CRB1: variants seen among roughly 807,000 people sequenced by gnomAD.
CRB1 encodes the protein protein crumbs homolog 1.
A neutral mutation model predicts 120.0 loss-of-function variants in CRB1; 83 were observed. The observed-to-expected ratio is 0.69, with a 90% CI of 0.58 to 0.83. CRB1 has a LOEUF of 0.83. CRB1 is among the 40% of genes least tolerant of loss of function. The probability of loss-of-function intolerance (pLI) is 0.00; values close to 1 mark genes in which losing one functional copy is unlikely to be tolerated. For missense variants in CRB1, 1,699 were observed against 1,687.6 expected (o/e 1.01, Z -0.12); for synonymous variants, 625 against 612.5 (o/e 1.02, Z -0.30).
intron 2 of CRB1, among the ~76,000 whole-genome samples, chr1:197,336,570 A>T (rs1659167772): frequency 1.3e-5 from 2 of 152,194 alleles, no homozygotes; most frequent in African/African-American, 4.8e-5. Context: ...GAGTCATTTG[A>T]AGTAGTTTTT....
intron 11 of CRB1, among the ~76,000 whole-genome samples, chr1:197,452,820 C>CA (rs199726847): frequency 0.014 from 2,185 of 152,028 alleles, 64 homozygotes; most frequent in African/African-American, 0.051. Flanking sequence ...GAAGTTTCCC[C>CA]AAAAAATTAA....
chr1:197,228,720 C>T, the CRB1 span, among the ~76,000 whole-genome samples: 1 of 152,146 alleles, frequency 6.6e-6, no homozygotes, highest in Non-Finnish European at 1.5e-5. Context: ...CAACGCCCTG[C>T]TCTACTGGTA....
chr1:197,348,441 T>C (rs1414596985), intron 4 of CRB1, among the ~76,000 whole-genome samples: 1 of 152,214 alleles, frequency 6.6e-6, no homozygotes, highest in Non-Finnish European at 1.5e-5. Flanking sequence ...AAATTCAAAA[T>C]AGAATAAGAT....
chr1:197,336,779 A>C (rs1231668811), intron 2 of CRB1, among the ~76,000 whole-genome samples: 1 of 152,228 alleles, frequency 6.6e-6, no homozygotes, highest in African/African-American at 2.4e-5. Flanking sequence ...TGTAAACAAC[A>C]ATTACCATCT....
intron 5 of CRB1, among the ~76,000 whole-genome samples, chr1:197,395,519 A>T (rs183478771): frequency 3.2e-4 from 48 of 152,228 alleles, no homozygotes; most frequent in Admixed American, 9.8e-4. Flanking sequence ...ACATGAGATA[A>T]ATACTGTATA....
At chr1:197,324,839 G>C (rs1442112582) in intron 1 of CRB1, among the ~76,000 whole-genome samples, 1 of 152,112 alleles carries the variant, frequency 6.6e-6, no homozygotes, top group Non-Finnish European at 1.5e-5. Context: ...TTAAATCTCT[G>C]TCTACCATAA....
At position 197,478,453 on chromosome 1, in the gene CRB1, G is replaced by A. The variant is rs1667296080; in HGVS notation, c.*574G>A. On this transcript the variant is annotated 3_prime_UTR_variant, in exon 12 of 12. Coordinates refer to ENST00000367400, the MANE Select transcript of CRB1 (RefSeq NM_201253.3). ...AATGGCAACAAATAAAAATTGAAATGCAGTTGTTCTCCTTTCTGAGTACTT... is the reference window on the plus strand; with the variant it reads ...AATGGCAACAAATAAAAATTGAAATACAGTTGTTCTCCTTTCTGAGTACTT... 1 of 157,628 alleles carries A rather than the reference G, an allele frequency of 6.3e-6. No homozygotes were observed. Among genetic ancestry groups the A allele is most frequent in the Admixed American group, 6.1e-5 (1 of 16,462 alleles). 9.8% of individuals were successfully genotyped at this position (157,628 alleles called of 1,614,324 possible).
intron 8 of CRB1, among the ~76,000 whole-genome samples, chr1:197,433,088 G>T (rs962894082): frequency 2.0e-5 from 3 of 151,214 alleles, no homozygotes; most frequent in Non-Finnish European, 4.4e-5. Flanking sequence ...GAGAGACGGG[G>T]TCTTATTATG....
rs1664764472 is a variant in CRB1 at position 197,429,447 on chromosome 1, A to T, written c.2677-2A>T. On this transcript the variant is annotated splice_acceptor_variant, in intron 7 of 11. Coordinates refer to ENST00000367400, the MANE Select transcript of CRB1 (RefSeq NM_201253.3). LOFTEE classifies it high-confidence loss of function. ...TATACCTTTGATTTCTTTTCTGCTC[A>T]GTCCAACCCCTGTCACAATGGAGGT... 1 of 1,613,832 alleles carries T rather than the reference A, an allele frequency of 6.2e-7. No homozygotes were observed. Among genetic ancestry groups the T allele is most frequent in the Non-Finnish European group, 8.5e-7 (1 of 1,179,928 alleles).
At chr1:197,390,445 C>T (rs1662440771) in intron 5 of CRB1, among the ~76,000 whole-genome samples, 1 of 152,002 alleles carries the variant, frequency 6.6e-6, no homozygotes, top group South Asian at 2.1e-4. Context: ...GCCAAGAAAG[C>T]TGAACAATAG....
rs781656059 is a variant in CRB1 at position 197,356,994 on chromosome 1, C to G, written c.1152C>G (p.Ile384Met). 9.9e-6 allele frequency: 16 copies of G among 1,614,112 alleles called. No individual in the cohort carries two copies. The highest frequency in any genetic ancestry group is 1.3e-5 in the Non-Finnish European group (15 of 1,180,046). Residue 384 changes from isoleucine (I) to methionine (M), a missense_variant, in exon 5 of 12, where the codon ATC (isoleucine) becomes ATG (methionine). Coordinates refer to ENST00000367400, the MANE Select transcript of CRB1 (RefSeq NM_201253.3). Reference protein sequence around the residue: ...SYHEASGYVCICQPGFTGIHC... With the variant: ...SYHEASGYVCMCQPGFTGIHC... ...ATGAAGCCTCAGGTTATGTCTGTAT[C>G]TGTCAGCCTGGATTCACAGGTGAGG...
intron 11 of CRB1, among the ~76,000 whole-genome samples, chr1:197,453,733 C>T (rs1433608987): frequency 3.4e-5 from 5 of 146,252 alleles, no homozygotes; most frequent in Non-Finnish European, 6.0e-5. Context: ...TGTGCCACCA[C>T]ACCTGGCTAA....
At chr1:197,424,370 G>A (rs1223404125) in intron 6 of CRB1, among the ~76,000 whole-genome samples, 1 of 152,098 alleles carries the variant, frequency 6.6e-6, no homozygotes, top group Non-Finnish European at 1.5e-5. Context: ...CTTGCCTGCT[G>A]CTTGAGAATA....
intron 1 of CRB1, among the ~76,000 whole-genome samples, chr1:197,272,960 C>A (rs1391297777): frequency 6.6e-6 from 1 of 152,190 alleles, no homozygotes; most frequent in Admixed American, 6.5e-5. Flanking sequence ...ACTCAACAAT[C>A]TAACTGCATT....
At chr1:197,385,737 C>T (rs973410948) in intron 5 of CRB1, among the ~76,000 whole-genome samples, 3 of 152,024 alleles carry the variant, frequency 2.0e-5, no homozygotes, top group South Asian at 2.1e-4. Flanking sequence ...GGCAGGTATA[C>T]TGAACGCCTC....
At chr1:197,423,761 T>C (rs10922225) in intron 6 of CRB1, among the ~76,000 whole-genome samples, 39,891 of 152,066 alleles carry the variant, frequency 0.26, 5,550 homozygotes, top group Middle Eastern at 0.39. Flanking sequence ...ATGGTATACA[T>C]TTTAATGAAC....
chr1:197,399,297 A>G (rs925760685), intron 5 of CRB1, among the ~76,000 whole-genome samples: 1 of 152,142 alleles, frequency 6.6e-6, no homozygotes, highest in Middle Eastern at 3.2e-3. Context: ...TCATTTTCCC[A>G]CAAAAGATTG....
intron 2 of CRB1, among the ~76,000 whole-genome samples, chr1:197,343,888 G>A (rs1328891650): frequency 6.6e-6 from 1 of 152,174 alleles, no homozygotes. Flanking sequence ...CAACTGTCTG[G>A]CTTTGGAGTC....
chr1:197,449,846 G>A (rs1345576580), intron 11 of CRB1, among the ~76,000 whole-genome samples: 1 of 152,190 alleles, frequency 6.6e-6, no homozygotes, highest in South Asian at 2.1e-4. Context: ...AGAGATTTGA[G>A]CAGAAATCAT....
Sources: allele counts gnomAD v4.1 joint callset (sites outside exome capture counted in the v4.1 genomes callset), GRCh38; gene constraint gnomAD v4.1.1; transcripts MANE v1.5; gene names NCBI Gene and HGNC (gene_info 2026-07-23, HGNC 2026-07-21).